The following STK32C variants were observed in gnomAD, a reference collection of about 807,000 sequenced individuals.
STK32C encodes the protein serine/threonine kinase 32C.
In STK32C, 31 loss-of-function variants were observed where a neutral mutation model predicts 56.5. The observed-to-expected ratio is 0.55, with a 90% confidence interval of 0.41 to 0.74. The LOEUF (loss-of-function observed/expected upper bound fraction) is 0.74, where lower values mean the gene tolerates loss of function less well. STK32C is among the 30% of genes least tolerant of loss of function. STK32C has a pLI of 0.00. For missense variants in STK32C, 544 were observed against 676.9 expected (o/e 0.80, Z 2.18); for synonymous variants, 309 against 289.4 (o/e 1.07, Z -0.69).
upstream of STK32C, chr10:132,332,004 C>G (rs2066788991): frequency 2.4e-6 from 1 of 415,082 alleles, no homozygotes; most frequent in African/African-American, 2.1e-5. Flanking sequence ...ACCCGACCCC[C>G]TGCCGCGCAG....
At chr10:132,296,169 A>C (rs1440948708) in intron 1 of STK32C, among the ~76,000 whole-genome samples, 1 of 151,118 alleles carries the variant, frequency 6.6e-6, no homozygotes, top group Non-Finnish European at 1.5e-5. Context: ...GAAACATCAA[A>C]TGAATCCCAG....
chr10:132,299,852 C>T (rs998036268), intron 1 of STK32C, among the ~76,000 whole-genome samples: 2 of 152,260 alleles, frequency 1.3e-5, no homozygotes, highest in African/African-American at 4.8e-5. Flanking sequence ...ACAAGAGCCG[C>T]CAGGAACAGC....
chr10:132,224,424 C>T lies in STK32C; in HGVS notation c.976G>A (p.Val326Met), dbSNP rs2062801836. 9 of 1,553,604 alleles carry T rather than the reference C, an allele frequency of 5.8e-6. No homozygotes were observed. The highest frequency in any genetic ancestry group is 7.8e-6 in the Non-Finnish European group (9 of 1,148,336). Residue 326 changes from valine (V) to methionine (M), a missense_variant, in exon 8 of 12, where the codon GTG becomes ATG. Val to Met is a conservative substitution (Grantham distance 21, BLOSUM62 1). Transcript: ENST00000298630. ...GGGCTCACCTTCCGCAGCAAGGCCA[C>T]CATCTCCTTGGACCACGTGGGGACA... Reference protein sequence around the residue: ...QYVPTWSKEMVALLRKLLTVN... With the variant: ...QYVPTWSKEMMALLRKLLTVN...
At chr10:132,233,490 C>T (rs1236252659) in intron 2 of STK32C, among the ~76,000 whole-genome samples, 1 of 152,208 alleles carries the variant, frequency 6.6e-6, no homozygotes, top group Non-Finnish European at 1.5e-5. Flanking sequence ...CTAGTGGCTG[C>T]TTCCTAGGCC....
At chr10:132,265,524 G>A (rs776746393) in intron 1 of STK32C, among the ~76,000 whole-genome samples, 64 of 152,176 alleles carry the variant, frequency 4.2e-4, no homozygotes, top group African/African-American at 2.7e-4. Context: ...GAGAGGACAC[G>A]GTGCAGAGAG....
intron 1 of STK32C, among the ~76,000 whole-genome samples, chr10:132,266,488 AG>A (rs2064533423): frequency 6.6e-6 from 1 of 152,200 alleles, no homozygotes; most frequent in Admixed American, 6.5e-5. Flanking sequence ...ACAAATAAAT[AG>A]ATCATCTAGA....
At chr10:132,269,776 G>A (rs2138147478) in intron 1 of STK32C, among the ~76,000 whole-genome samples, 1 of 152,348 alleles carries the variant, frequency 6.6e-6, no homozygotes, top group African/African-American at 2.4e-5. Context: ...AATGCCTGTG[G>A]GAGCGCTGAC....
At chr10:132,268,243 C>T (rs989655150) in intron 1 of STK32C, among the ~76,000 whole-genome samples, 2 of 63,410 alleles carry the variant, frequency 3.2e-5, no homozygotes, top group African/African-American at 7.4e-5. Flanking sequence ...GTGTGTGTGT[C>T]GGTGTGTGTG....
intron 1 of STK32C, 106 bp from the exon 2 acceptor site, chr10:132,246,061 T>C: frequency 1.7e-6 from 2 of 1,165,644 alleles, no homozygotes; most frequent in Non-Finnish European, 1.3e-6. Context: ...CCAGGGCCCC[T>C]CATCCTAGAA....
At chr10:132,331,897 C>G, upstream of STK32C, 1 of 960,210 alleles carries the variant, frequency 1.0e-6, no homozygotes. Flanking sequence ...CCCTGCCACC[C>G]CCGCGCAGGC....
intron 2 of STK32C, among the ~76,000 whole-genome samples, chr10:132,240,866 C>T (rs913361091): frequency 3.9e-5 from 6 of 152,136 alleles, no homozygotes; most frequent in African/African-American, 7.2e-5. Flanking sequence ...GCCGTGCCAC[C>T]GAGAAATCCA....
rs376389792 is a variant in STK32C at position 132,239,526 on chromosome 10, C to T, written c.318+6374G>A. On this transcript the variant is annotated intron_variant, in intron 2 of 11. Coordinates refer to ENST00000298630, the MANE Select transcript of STK32C (RefSeq NM_173575.4). ...CAGATGGGGGTCGCTCCATGCCACG[C>T]ACTTGGCCGCCGCAGAGGGCTCCTG... Among the ~76,000 whole-genome samples the T allele has an allele frequency of 3.0e-4, 45 of 152,374 alleles. No individual in the cohort carries two copies. In the South Asian group the frequency reaches 8.5e-3, roughly 29 times the overall value.
At chr10:132,267,140 T>G (rs1392881610) in intron 1 of STK32C, among the ~76,000 whole-genome samples, 1 of 152,068 alleles carries the variant, frequency 6.6e-6, no homozygotes, top group Non-Finnish European at 1.5e-5. Flanking sequence ...CTCTGACCTG[T>G]GACACGTGGG....
rs151260109 is a variant in STK32C at position 132,228,554 on chromosome 10, C to T, written c.319-426G>A. Among the ~76,000 whole-genome samples, 208 of 152,362 alleles carry T rather than the reference C, an allele frequency of 1.4e-3. 2 individuals carry two copies. The highest frequency in any genetic ancestry group is 6.8e-3 in the Middle Eastern group (2 of 294). ...AGGGTCCAGCCTAACAGCATCCAGG[C>T]GTGAGTTGGAGCCAAGCAGTGGCTG... On this transcript the variant is annotated intron_variant, in intron 2 of 11. Coordinates refer to ENST00000298630, the MANE Select transcript of STK32C (RefSeq NM_173575.4).
chr10:132,329,753 C>G (rs1169059079), intron 1 of STK32C, among the ~76,000 whole-genome samples: 1 of 152,108 alleles, frequency 6.6e-6, no homozygotes. Flanking sequence ...TGTCAGGGTG[C>G]AGAGGTGCCA....
At chr10:132,306,770 T>C (rs574792031) in intron 1 of STK32C, among the ~76,000 whole-genome samples, 14 of 152,326 alleles carry the variant, frequency 9.2e-5, no homozygotes, top group African/African-American at 3.4e-4. Flanking sequence ...ATGTTACCTG[T>C]AGAAAAGAGC....
intron 2 of STK32C, among the ~76,000 whole-genome samples, chr10:132,238,426 C>T (rs762491341): frequency 3.9e-5 from 6 of 152,178 alleles, no homozygotes; most frequent in Non-Finnish European, 8.8e-5. Context: ...CGGAGGCAGA[C>T]GACGTGAAGG....
chr10:132,290,399 G>A (rs961145636), intron 1 of STK32C, among the ~76,000 whole-genome samples: 7 of 152,188 alleles, frequency 4.6e-5, no homozygotes, highest in East Asian at 1.9e-4. Context: ...AACATAACCC[G>A]GCCCCTGCCC....
At chr10:132,304,900 G>T (rs1288201992) in intron 1 of STK32C, among the ~76,000 whole-genome samples, 1 of 152,220 alleles carries the variant, frequency 6.6e-6, no homozygotes, top group African/African-American at 2.4e-5. Context: ...CCTGCTGGCG[G>T]GCTAATGCCA....
Sources: gnomAD v4.1 joint callset for allele counts (sites outside exome capture counted in the v4.1 genomes callset) on GRCh38, gnomAD v4.1.1 for gene constraint, MANE v1.5 for transcripts, NCBI Gene and HGNC (gene_info 2026-07-23, HGNC 2026-07-21) for gene names.